BBS9: variants seen among roughly 807,000 people sequenced by gnomAD.
The protein encoded by BBS9 is Bardet-Biedl syndrome 9, also known as protein PTHB1.
A neutral mutation model predicts 117.7 loss-of-function variants in BBS9; 89 were observed. The observed-to-expected ratio is 0.76, with a 90% CI of 0.64 to 0.90. BBS9 has a LOEUF of 0.90. BBS9 is among the 40% of genes least tolerant of loss of function. The pLI is 0.00. For missense variants in BBS9, 982 were observed against 1,042.2 expected (o/e 0.94, Z 0.80); for synonymous variants, 379 against 370.9 (o/e 1.02, Z -0.25).
chr7:33,171,295 C>T (rs529094035), intron 4 of BBS9, among the ~76,000 whole-genome samples: 9 of 151,774 alleles, frequency 5.9e-5, no homozygotes, highest in Admixed American at 2.0e-4. Context: ...TCAGAAATAA[C>T]GCCGCATATC....
chr7:33,431,995 T>C (rs1487257475), intron 19 of BBS9, among the ~76,000 whole-genome samples: 3 of 152,182 alleles, frequency 2.0e-5, no homozygotes, highest in Non-Finnish European at 4.4e-5. Context: ...GTCCTTTTAA[T>C]GAGCAGCAAT....
At chr7:33,312,016 A>G (rs565263912) in intron 9 of BBS9, among the ~76,000 whole-genome samples, 1 of 152,356 alleles carries the variant, frequency 6.6e-6, no homozygotes, top group South Asian at 2.1e-4. Flanking sequence ...ATTTTGTAAT[A>G]CAAGGTTTCT....
chr7:33,184,700 A>G (rs1040906721), intron 5 of BBS9, among the ~76,000 whole-genome samples: 3 of 152,032 alleles, frequency 2.0e-5, no homozygotes, highest in Admixed American at 6.5e-5. Flanking sequence ...TCGTTCTTTC[A>G]TGGTTCACCA....
intron 5 of BBS9, among the ~76,000 whole-genome samples, chr7:33,234,443 T>C (rs1369330255): frequency 2.6e-5 from 4 of 152,094 alleles, no homozygotes; most frequent in Non-Finnish European, 5.9e-5. Context: ...CAATTAACGT[T>C]CCATTACCTC....
At position 33,335,951 on chromosome 7, in the gene BBS9, C is replaced by T. The variant is rs187919879; in HGVS notation, c.1017-490C>T. 2.8e-3 allele frequency among the ~76,000 whole-genome samples: 423 copies of T among 152,212 alleles called. 3 individuals are homozygous for T. The highest frequency in any genetic ancestry group is 9.1e-3 in the African/African-American group (377 of 41,518). On this transcript the variant is annotated intron_variant, in intron 9 of 22. Coordinates refer to ENST00000242067, the MANE Select transcript of BBS9 (RefSeq NM_198428.3). ...GGCACTTTTTTTTTCGCAAGACCTC[C>T]GATGGCTTCCCACATCAACTTCGTT...
intron 3 of BBS9, among the ~76,000 whole-genome samples, chr7:33,153,403 G>A (rs1041602051): frequency 1.3e-5 from 2 of 152,142 alleles, no homozygotes; most frequent in East Asian, 1.9e-4. Context: ...TGGGTAATAT[G>A]TCTGCTTTTT....
intron 5 of BBS9, among the ~76,000 whole-genome samples, chr7:33,245,315 C>CCTTTCCCCTCTCTT (rs1382490208): frequency 1.3e-5 from 2 of 151,936 alleles, no homozygotes; most frequent in African/African-American, 4.8e-5. Context: ...TTAACCTTAA[C>CCTTTCCCCTCTCTT]CTTTCCCCTC....
At chr7:33,462,111 T>C (rs144701312) in intron 19 of BBS9, among the ~76,000 whole-genome samples, 6 of 152,174 alleles carry the variant, frequency 3.9e-5, no homozygotes, top group African/African-American at 1.4e-4. Context: ...ATAAACTAAA[T>C]CAAAATCTAA....
intron 21 of BBS9, among the ~76,000 whole-genome samples, chr7:33,623,925 A>G (rs1374231415): frequency 1.3e-5 from 2 of 152,128 alleles, no homozygotes; most frequent in African/African-American, 4.8e-5. Flanking sequence ...GGGAGGGGCC[A>G]GAAGGCCTGT....
At chr7:33,489,494 C>G (rs998913462) in intron 19 of BBS9, among the ~76,000 whole-genome samples, 13 of 152,028 alleles carry the variant, frequency 8.6e-5, no homozygotes, top group African/African-American at 3.1e-4. Flanking sequence ...GAGATATAAT[C>G]TAAATATTCT....
intron 6 of BBS9, among the ~76,000 whole-genome samples, chr7:33,263,131 TGTTAA>T (rs1798242149): frequency 1.3e-5 from 2 of 152,236 alleles, no homozygotes; most frequent in African/African-American, 4.8e-5. Context: ...TATAAGCTAT[TGTTAA>T]GTTTGTCATC....
intron 19 of BBS9, among the ~76,000 whole-genome samples, chr7:33,488,659 A>G (rs1363359700): frequency 1.3e-5 from 2 of 152,198 alleles, no homozygotes; most frequent in African/African-American, 2.4e-5. Context: ...TTACAGTGTC[A>G]TGAACTATAA....
At chr7:33,429,765 A>G (rs143657861) in intron 19 of BBS9, among the ~76,000 whole-genome samples, 361 of 152,194 alleles carry the variant, frequency 2.4e-3, no homozygotes, top group Middle Eastern at 6.8e-3. Context: ...TTTTATAGAT[A>G]CTCTGTAATT....
rs534904221 is a variant in BBS9, at chr7:33,451,014, G to A, written c.2116-54449G>A. 5.9e-5 allele frequency among the ~76,000 whole-genome samples: 9 copies of A among 151,626 alleles called. No individual in the cohort carries two copies. The South Asian group carries it at 1.5e-3, about 25-fold the overall frequency. ...TGCCATTCTCCTGCCTCAGCCTCCC[G>A]AGTAGCTGGGACTACAGGCGCCCGC... On this transcript the variant is annotated intron_variant, in intron 19 of 22. Transcript: ENST00000242067.
rs182595788 is a variant in BBS9 at position 33,271,936 on chromosome 7, T to C, written c.703-1076T>C. Reference sequence around the variant, plus strand: ...TCTCGTCACCACATAGCACATACTCTAAAATAAACTACACAATCGGATATA... The same window carrying C: ...TCTCGTCACCACATAGCACATACTCCAAAATAAACTACACAATCGGATATA... On this transcript the variant is annotated intron_variant, in intron 7 of 22. Coordinates refer to ENST00000242067, the MANE Select transcript of BBS9 (RefSeq NM_198428.3). Among the ~76,000 whole-genome samples, 205 of 152,190 alleles carry C rather than the reference T, an allele frequency of 1.3e-3. 1 individual carries two copies. The highest frequency in any genetic ancestry group is 4.9e-3 in the African/African-American group (202 of 41,530).
chr7:33,575,144 A>G (rs544482101), intron 21 of BBS9, among the ~76,000 whole-genome samples: 9 of 152,180 alleles, frequency 5.9e-5, no homozygotes, highest in African/African-American at 1.9e-4. Context: ...TTAAAAAAAG[A>G]TATTCCAACC....
At chr7:33,214,101 T>C (rs7781257) in intron 5 of BBS9, among the ~76,000 whole-genome samples, 5,755 of 152,206 alleles carry the variant, frequency 0.038, 194 homozygotes, top group African/African-American at 0.088. Flanking sequence ...CATGTGTACC[T>C]AGGATCCGAG....
At chr7:33,458,851 A>T (rs1839029172) in intron 19 of BBS9, among the ~76,000 whole-genome samples, 1 of 152,158 alleles carries the variant, frequency 6.6e-6, no homozygotes. Flanking sequence ...AGCAGAAAAG[A>T]TGGGATTCCA....
intron 1 of BBS9, among the ~76,000 whole-genome samples, chr7:33,139,771 C>T (rs945999806): frequency 3.3e-5 from 5 of 152,090 alleles, no homozygotes; most frequent in Admixed American, 6.6e-5. Context: ...ACTTTTGAAC[C>T]GGCTGATGCA....
Sources: allele counts gnomAD v4.1 joint callset (sites outside exome capture counted in the v4.1 genomes callset), GRCh38; gene constraint gnomAD v4.1.1; transcripts MANE v1.5; gene names NCBI Gene and HGNC (gene_info 2026-07-23, HGNC 2026-07-21).